AP1S3: variants seen among roughly 807,000 people sequenced by gnomAD.
The protein encoded by AP1S3 is AP-1 complex subunit sigma-3.
A neutral mutation model predicts 20.9 loss-of-function variants in AP1S3; 10 were observed. The observed-to-expected ratio is 0.48, with a 90% CI of 0.29 to 0.81. The LOEUF (loss-of-function observed/expected upper bound fraction) is 0.81, where lower values mean the gene tolerates loss of function less well. Ranked by LOEUF, AP1S3 falls within the 30% of genes least tolerant of loss-of-function variation. AP1S3 has a pLI of 0.08. For missense variants in AP1S3, 154 were observed against 183.8 expected (o/e 0.84, Z 0.94); for synonymous variants, 41 against 61.5 (o/e 0.67, Z 1.56).
In AP1S3 at chr2:223,829,067, G is replaced by A. The variant is rs192314267; in HGVS notation, c.3+8381C>T. On this transcript the variant is annotated intron_variant, in intron 1 of 4. Transcript: ENST00000396654. Reference sequence around the variant, plus strand: ...GCCAAGCTGGTCTTGAACTCCTGACGTGGTGATCCACCAGCCTTGGCCTCC... The same window carrying A: ...GCCAAGCTGGTCTTGAACTCCTGACATGGTGATCCACCAGCCTTGGCCTCC... Among the ~76,000 whole-genome samples, 612 of 152,054 alleles carry A rather than the reference G, an allele frequency of 4.0e-3. 2 individuals carry two copies. The highest frequency in any genetic ancestry group is 7.5e-3 in the Non-Finnish European group (509 of 67,978).
intron 1 of AP1S3, among the ~76,000 whole-genome samples, chr2:223,803,525 C>T (rs1004810689): frequency 6.6e-6 from 1 of 152,160 alleles, no homozygotes; most frequent in Non-Finnish European, 1.5e-5. Context: ...CCCAGGATGG[C>T]TGGTCATGTA....
intron 1 of AP1S3, among the ~76,000 whole-genome samples, chr2:223,797,489 A>G (rs1022542202): frequency 1.3e-5 from 2 of 152,098 alleles, no homozygotes; most frequent in Admixed American, 6.6e-5. Flanking sequence ...GTTCAGGCTG[A>G]CACAGCTCAC....
intron 1 of AP1S3, among the ~76,000 whole-genome samples, chr2:223,782,240 T>C (rs958323164): frequency 6.6e-6 from 1 of 152,160 alleles, no homozygotes; most frequent in Non-Finnish European, 1.5e-5. Context: ...CTTGAACTCC[T>C]GACCTCACGT....
chr2:223,828,852 T>G (rs148200133), intron 1 of AP1S3, among the ~76,000 whole-genome samples: 2 of 152,130 alleles, frequency 1.3e-5, no homozygotes, highest in African/African-American at 4.8e-5. Context: ...ATTTTTATTT[T>G]ATTTTTTTGA....
chr2:223,793,332 T>G, intron 1 of AP1S3, among the ~76,000 whole-genome samples: 1 of 152,168 alleles, frequency 6.6e-6, no homozygotes, highest in East Asian at 1.9e-4. Flanking sequence ...TAAATGCCTA[T>G]CAATGATAGA....
intron 1 of AP1S3, among the ~76,000 whole-genome samples, chr2:223,828,058 T>TAAAAAAAAAAAA (rs527671959): frequency 2.0e-4 from 19 of 94,674 alleles, no homozygotes; most frequent in African/African-American, 5.5e-4. Context: ...AGACTTCATC[T>TAAAAAAAAAAAA]AAAAAAAAAA....
chr2:223,811,745 G>A (rs1344904144), intron 1 of AP1S3, among the ~76,000 whole-genome samples: 1 of 152,126 alleles, frequency 6.6e-6, no homozygotes, highest in East Asian at 1.9e-4. Context: ...GGGACTCTTG[G>A]ACACACACTG....
chr2:223,800,342 G>A (rs1038412224), intron 1 of AP1S3, among the ~76,000 whole-genome samples: 3 of 151,830 alleles, frequency 2.0e-5, no homozygotes, highest in Non-Finnish European at 4.4e-5. Context: ...AGACCAGCCT[G>A]AGCAACATAT....
At chr2:223,831,369 A>T (rs1430958600) in intron 1 of AP1S3, among the ~76,000 whole-genome samples, 1 of 152,170 alleles carries the variant, frequency 6.6e-6, no homozygotes, top group African/African-American at 2.4e-5. Flanking sequence ...TCCAGACTCA[A>T]GCAATCCACA....
intron 4 of AP1S3, among the ~76,000 whole-genome samples, chr2:223,764,871 C>T (rs1051227293): frequency 6.6e-6 from 1 of 152,056 alleles, no homozygotes; most frequent in Non-Finnish European, 1.5e-5. Context: ...CAAAGCTCAT[C>T]CAAATGTGAA....
At chr2:223,770,091 A>C in intron 3 of AP1S3, 1 of 1,462,792 alleles carries the variant, frequency 6.8e-7, no homozygotes, top group Non-Finnish European at 9.1e-7. Flanking sequence ...ACATGTAAAA[A>C]TATGCATCAT....
intron 1 of AP1S3, among the ~76,000 whole-genome samples, chr2:223,825,633 C>T (rs1692110307): frequency 1.3e-5 from 2 of 152,130 alleles, no homozygotes; most frequent in South Asian, 4.1e-4. Flanking sequence ...AAAAATTTTG[C>T]CCAAAAACAT....
At chr2:223,796,401 C>T (rs1430500682) in intron 1 of AP1S3, among the ~76,000 whole-genome samples, 1 of 152,150 alleles carries the variant, frequency 6.6e-6, no homozygotes, top group African/African-American at 2.4e-5. Flanking sequence ...AAACAACAAA[C>T]TATTTGCTGT....
chr2:223,836,127 G>A (rs1692389140), intron 1 of AP1S3, among the ~76,000 whole-genome samples: 1 of 152,168 alleles, frequency 6.6e-6, no homozygotes, highest in African/African-American at 2.4e-5. Context: ...GGCTCTCTTT[G>A]TTGATCAACT....
chr2:223,795,338 C>T (rs999839327), intron 1 of AP1S3, among the ~76,000 whole-genome samples: 1 of 152,198 alleles, frequency 6.6e-6, no homozygotes, highest in Non-Finnish European at 1.5e-5. Flanking sequence ...TACCAGCATG[C>T]TCTGGGTAGA....
chr2:223,837,150 C>A lies in AP1S3; in HGVS notation c.3+298G>T, dbSNP rs547140038. On this transcript the variant is annotated intron_variant, in intron 1 of 4. Coordinates refer to ENST00000396654, the MANE Select transcript of AP1S3 (RefSeq NM_001039569.2). ...GGCTCCTCCTGGTCCCCCGCGACATCCCCAGCGCCCAGCACCGAGCCCGGC... is the reference window on the plus strand; with the variant it reads ...GGCTCCTCCTGGTCCCCCGCGACATACCCAGCGCCCAGCACCGAGCCCGGC... 2.6e-5 allele frequency among the ~76,000 whole-genome samples: 4 copies of A among 152,126 alleles called. No individual in the cohort carries two copies. In the South Asian group the frequency reaches 8.3e-4, roughly 32 times the overall value.
intron 1 of AP1S3, among the ~76,000 whole-genome samples, chr2:223,829,191 T>C (rs1439781464): frequency 6.6e-6 from 1 of 152,208 alleles, no homozygotes; most frequent in Non-Finnish European, 1.5e-5. Flanking sequence ...CAGTCCTGCC[T>C]GTCATGGGGC....
intron 3 of AP1S3, among the ~76,000 whole-genome samples, chr2:223,769,038 C>T (rs1426755900): frequency 6.6e-6 from 1 of 152,126 alleles, no homozygotes; most frequent in Non-Finnish European, 1.5e-5. Context: ...TCACAAGGAA[C>T]ATGGTTTAAG....
At chr2:223,793,184 G>A (rs894759840) in intron 1 of AP1S3, among the ~76,000 whole-genome samples, 1 of 152,088 alleles carries the variant, frequency 6.6e-6, no homozygotes, top group Non-Finnish European at 1.5e-5. Flanking sequence ...AAGACCTACA[G>A]GCAGAAACGC....
Sources: allele counts gnomAD v4.1 joint callset (sites outside exome capture counted in the v4.1 genomes callset), GRCh38; gene constraint gnomAD v4.1.1; transcripts MANE v1.5; gene names NCBI Gene and HGNC (gene_info 2026-07-23, HGNC 2026-07-21).